The following SMPD4 variants were observed in gnomAD, a reference collection of about 807,000 sequenced individuals.
SMPD4 encodes neutral sphingomyelinase 3.
SMPD4 carries 58 observed loss-of-function variants against 97.8 expected under a neutral mutation model. The observed-to-expected ratio is 0.59, with a 90% CI of 0.48 to 0.74. SMPD4 has a LOEUF of 0.74. Among genes scored for constraint, SMPD4 ranks in the 30% least tolerant of loss-of-function variants. The pLI, the probability that SMPD4 is intolerant of heterozygous loss-of-function variation, is 0.00. For synonymous variants in SMPD4, 388 were observed against 450.0 expected (o/e 0.86, Z 1.74); for missense variants, 853 against 1,080.5 (o/e 0.79, Z 2.95).
chr2:130,175,022 A>G, intron 2 of SMPD4, 22 bp from the exon 3 acceptor site: 1 of 1,563,208 alleles, frequency 6.4e-7, no homozygotes, highest in Non-Finnish European at 8.8e-7. Flanking sequence ...AACAAAGCGA[A>G]AAAGTCACGA....
chr2:130,161,822 G>A (rs900815918), intron 10 of SMPD4, among the ~76,000 whole-genome samples: 16 of 152,218 alleles, frequency 1.1e-4, no homozygotes, highest in African/African-American at 2.9e-4. Flanking sequence ...GGAGCACTCT[G>A]CCCAGAAAAC....
chr2:130,181,261 C>A, intron 1 of SMPD4: 1 of 1,360,678 alleles, frequency 7.3e-7, no homozygotes, highest in South Asian at 1.7e-5. Flanking sequence ...TCCCTCAATT[C>A]CTTCAACGAA....
chr2:130,176,669 C>T (rs766729309), intron 1 of SMPD4, 32 bp from the exon 2 acceptor site: 2 of 1,515,308 alleles, frequency 1.3e-6, no homozygotes, highest in African/African-American at 2.8e-5. Context: ...ATCTCAACAT[C>T]TGTAACACAG....
intron 10 of SMPD4, among the ~76,000 whole-genome samples, chr2:130,163,339 C>T (rs1687612596): frequency 6.6e-6 from 1 of 152,230 alleles, no homozygotes; most frequent in African/African-American, 2.4e-5. Context: ...CCATTCTCCG[C>T]CCATGTGATT....
intron 11 of SMPD4, 124 bp downstream of exon 11, chr2:130,161,062 A>G: frequency 1.1e-6 from 1 of 900,458 alleles, no homozygotes; most frequent in East Asian, 2.5e-5. Flanking sequence ...TCCCCCCGAC[A>G]CAGGGGCTTC....
rs1410336284 is a variant in SMPD4, at chr2:130,153,069, T to C, written c.2128A>G (p.Arg710Gly). The change falls in exon 19 of 20, where the codon AGG (arginine) becomes GGG (glycine). Residue 710 changes from arginine (R) to glycine (G), a missense_variant. Physicochemically the swap from Arg to Gly is moderately radical, Grantham distance 125. Coordinates refer to ENST00000680298, the MANE Select transcript of SMPD4 (RefSeq NM_017951.5). ...EIASLVRTLF[R>G]LSSAINHRFA... ...CTGTGGTTGATGGCAGACGACAGCCTAAAGAGTGTGCGGACCAAGCTGGCG... is the reference window on the plus strand; with the variant it reads ...CTGTGGTTGATGGCAGACGACAGCCCAAAGAGTGTGCGGACCAAGCTGGCG... The C allele has an allele frequency of 6.2e-7, 1 of 1,612,586 alleles. No homozygotes were observed. The highest frequency in any genetic ancestry group is 1.1e-5 in the South Asian group (1 of 91,028).
At chr2:130,181,487 C>A in intron 1 of SMPD4, 43 bp downstream of exon 1, 2 of 1,567,896 alleles carry the variant, frequency 1.3e-6, no homozygotes, top group African/African-American at 1.4e-5. Flanking sequence ...GGGAAGCCCC[C>A]AGGGCGCCGG....
At position 130,158,032 on chromosome 2, in the gene SMPD4, C is replaced by T. The variant is rs1687001828; in HGVS notation, c.952-636G>A. The T allele has an allele frequency of 7.8e-6, 3 of 383,788 alleles. No homozygotes were observed. The South Asian group carries it at 8.1e-5, about 10-fold the overall frequency. The allele number at this position is 383,788 out of a possible 1,614,324, so 23.8% of individuals were successfully genotyped here. On this transcript the variant is annotated intron_variant, in intron 11 of 19. Transcript: ENST00000680298. ...GTGCACACCTATAGTCCTAATGACTCAGGAGGCTAGGGTGGGAGGATCACT... is the reference window on the plus strand; with the variant it reads ...GTGCACACCTATAGTCCTAATGACTTAGGAGGCTAGGGTGGGAGGATCACT...
intron 8 of SMPD4, among the ~76,000 whole-genome samples, chr2:130,171,436 C>T (rs1364466932): frequency 6.6e-6 from 1 of 151,946 alleles, no homozygotes; most frequent in Non-Finnish European, 1.5e-5. Flanking sequence ...AAAATTAAAA[C>T]AACCCAAAAA....
rs762531432 is a variant in SMPD4, at chr2:130,153,155, C to T, written c.2042G>A (p.Arg681Gln). The T allele has an allele frequency of 7.4e-6, 12 of 1,613,846 alleles. No individual in the cohort carries two copies. Among genetic ancestry groups the T allele is most frequent in the Middle Eastern group, 1.7e-4 (1 of 6,058 alleles). Residue 681 changes from arginine to glutamine, a missense_variant, in exon 19 of 20, where the codon CGA becomes CAA. By Grantham distance (43) the Arg-to-Gln change is conservative. Coordinates refer to ENST00000680298, the MANE Select transcript of SMPD4 (RefSeq NM_017951.5). The part of the protein sequence containing the change: ...LGRYQIINGL[R>Q]RFEIEYQGDP... ...CCCCTGGTACTCAATTTCAAACCTT[C>T]GCAGCCCATTGATGATCTAGAAAGC...
At position 130,172,108 on chromosome 2, in the gene SMPD4, C is replaced by T. The variant is rs1387254759; in HGVS notation, c.659+241G>A. Among the ~76,000 whole-genome samples, 6 of 152,150 alleles carry T rather than the reference C, an allele frequency of 3.9e-5. No homozygotes were observed. In the East Asian group the frequency reaches 9.6e-4, roughly 24 times the overall value. ...CAACACAGCCCATTCCCATGCAGGC[C>T]GTGGAGGCCTCCAGGGACCTGATAG... On this transcript the variant is annotated intron_variant, in intron 8 of 19. Coordinates refer to ENST00000680298, the MANE Select transcript of SMPD4 (RefSeq NM_017951.5).
rs370950242 is a variant in SMPD4, at chr2:130,152,642, T to C, written c.2397A>G (p.Pro799=). 515 of 1,560,472 alleles carry C rather than the reference T, an allele frequency of 3.3e-4. 2 individuals carry two copies. Among genetic ancestry groups the C allele is most frequent in the South Asian group, 3.8e-4 (32 of 84,846 alleles). The change falls in exon 20 of 20, where the codon CCA becomes CCG. Residue 799 remains proline, a synonymous_variant. Coordinates refer to ENST00000680298, the MANE Select transcript of SMPD4 (RefSeq NM_017951.5). ...VASLFCVGPL[P]CTLLLTLGYV... ...AGCCCAGGGTGAGCAGCAGCGTGCA[T>C]GGGAGGGGCCCGACGCAGAACAGAG...
rs1239403450 is a variant in SMPD4 at position 130,152,250 on chromosome 2, A to G, written c.*305T>C. On this transcript the variant is annotated 3_prime_UTR_variant, in exon 20 of 20. Transcript: ENST00000680298. ...AGCAGAGTAGCCAAATGGGCAGTGG[A>G]AAAAAGGCCCCGAGAGCTGGCTTGG... is the stretch of plus-strand genomic sequence containing the variant. 4 of 297,166 alleles carry G rather than the reference A, an allele frequency of 1.3e-5. No individual in the cohort carries two copies. The highest frequency in any genetic ancestry group is 2.5e-5 in the Non-Finnish European group (4 of 158,796). 18.4% of individuals were successfully genotyped at this position (297,166 alleles called of 1,614,324 possible). A position where few individuals can be genotyped will look rare whatever the true frequency, so the allele number is the denominator to read the frequency against.
intron 16 of SMPD4, 107 bp downstream of exon 16, chr2:130,154,170 A>C (rs78260857): frequency 6.6e-6 from 9 of 1,355,134 alleles, no homozygotes; most frequent in African/African-American, 1.5e-5. Context: ...ATGGCGTCAA[A>C]TCTATACCCA....
chr2:130,167,613 C>T (rs2104872191), intron 8 of SMPD4, 23 bp from the exon 9 acceptor site: 3 of 1,577,106 alleles, frequency 1.9e-6, no homozygotes, highest in Admixed American at 1.8e-5. Context: ...CAGAAACAGG[C>T]CCGAGTTACA....
chr2:130,157,361 C>T lies in SMPD4; in HGVS notation c.987G>A (p.Val329=), dbSNP rs771788227. 6.2e-7 allele frequency: 1 copy of T among 1,605,526 alleles called. No homozygotes were observed. Among genetic ancestry groups the T allele is most frequent in the South Asian group, 1.1e-5 (1 of 89,464 alleles). Residue 329 remains valine (V), a synonymous_variant, in exon 12 of 20, where the codon GTG becomes GTA. Transcript: ENST00000680298. ...GCAGGTGCTTCAGCAGCAGGCGCAC[C>T]ACCAACACATGCTCCTCAGTAGGCG... The part of the protein sequence containing the change: ...SFTPTEEHVL[V]VRLLLKHLHA...
Position 130,152,414 on chromosome 2 carries a change from C to T in SMPD4, c.*141G>A. ...TTCTTGGTTGCGTTTCCTCCAGATG[C>T]CTCTGCGGCTGCAGGAACCCCGCTC... is the stretch of plus-strand genomic sequence containing the variant. On this transcript the variant is annotated 3_prime_UTR_variant, in exon 20 of 20. Transcript: ENST00000680298. 2 of 962,994 alleles carry T rather than the reference C, an allele frequency of 2.1e-6. No homozygotes were observed. The highest frequency in any genetic ancestry group is 3.0e-6 in the Non-Finnish European group (2 of 664,986). The allele number at this position is 962,994 out of a possible 1,614,324, so 59.7% of individuals were successfully genotyped here. A position where few individuals can be genotyped will look rare whatever the true frequency, so the allele number is the denominator to read the frequency against.
intron 9 of SMPD4, among the ~76,000 whole-genome samples, chr2:130,164,752 A>G (rs13422457): frequency 6.9e-6 from 1 of 143,972 alleles, no homozygotes; most frequent in African/African-American, 3.0e-5. Flanking sequence ...GAAAAAAAAT[A>G]GACAACTAGA....
Position 130,181,296 on chromosome 2 carries a change from C to A in SMPD4, c.-46+234G>T. ...AGGTTAACCTTCAGCGAACACCTAC[C>A]GGACCGGGACAGAGTGTACGAGCCG... is the stretch of plus-strand genomic sequence containing the variant. On this transcript the variant is annotated intron_variant, in intron 1 of 19. Transcript: ENST00000680298. 2.1e-6 allele frequency: 3 copies of A among 1,402,338 alleles called. No homozygotes were observed. In the South Asian group the frequency reaches 4.9e-5, roughly 23 times the overall value. The allele number at this position is 1,402,338 out of a possible 1,614,324, so 86.9% of individuals were successfully genotyped here.
Sources: gnomAD v4.1 joint callset for allele counts (sites outside exome capture counted in the v4.1 genomes callset) on GRCh38, gnomAD v4.1.1 for gene constraint, MANE v1.5 for transcripts, NCBI Gene and HGNC (gene_info 2026-07-23, HGNC 2026-07-21) for gene names.